The following NAV1 variants were observed in gnomAD, a reference collection of about 807,000 sequenced individuals.
NAV1 encodes neuron navigator 1, also known as pore membrane and/or filament interacting like protein 3.
Under a neutral mutation model 175.2 loss-of-function variants are expected in NAV1, and 18 were observed. The ratio of observed to expected loss-of-function variants is 0.10; its 90% CI spans 0.07 to 0.15. The LOEUF is 0.15. Among genes scored for constraint, NAV1 ranks in the 10% least tolerant of loss-of-function variants. The pLI is 1.00. For missense variants in NAV1, 1,731 were observed against 2,436.6 expected (o/e 0.71, Z 6.10); for synonymous variants, 897 against 978.7 (o/e 0.92, Z 1.56).
chr1:201,569,996 G>A (rs1666482290), intron 1 of NAV1, among the ~76,000 whole-genome samples: 1 of 152,202 alleles, frequency 6.6e-6, no homozygotes, highest in South Asian at 2.1e-4. Flanking sequence ...AGGATCAAAT[G>A]AGATGACGGA....
At chr1:201,780,735 C>T (rs921522096) in intron 4 of NAV1, among the ~76,000 whole-genome samples, 176 bp downstream of exon 8, 1 of 147,978 alleles carries the variant, frequency 6.8e-6, no homozygotes, top group Admixed American at 6.9e-5. Context: ...GCTAAGGCTA[C>T]TCACCCAAGA....
rs1454239597 is a variant in NAV1 at position 201,813,102 on chromosome 1, G to A, written c.5222-38G>A. ...GAGGCACACAACCGGGAAGATCTAG[G>A]TTCCCAGCCATCTTCATGGCCCCAT... On this transcript the variant is annotated intron_variant, in intron 27 of 29. Transcript: ENST00000367296. The surrounding 1 kb of genome is among the most constrained non-coding windows in gnomAD (Gnocchi z 4.2). 1.4e-6 allele frequency: 2 copies of A among 1,473,944 alleles called. No individual in the cohort carries two copies. Among genetic ancestry groups the A allele is most frequent in the South Asian group, 1.1e-5 (1 of 87,526 alleles). 91.3% of individuals were successfully genotyped at this position (1,473,944 alleles called of 1,614,324 possible).
intron 1 of NAV1, among the ~76,000 whole-genome samples, chr1:201,688,996 G>A (rs1670790553): frequency 6.6e-6 from 1 of 152,210 alleles, no homozygotes; most frequent in African/African-American, 2.4e-5. Context: ...GGGGAGACTT[G>A]AGTGCAAGCT....
intron 1 of NAV1, among the ~76,000 whole-genome samples, chr1:201,550,274 T>G (rs574660865): frequency 6.6e-6 from 1 of 152,020 alleles, no homozygotes; most frequent in South Asian, 2.1e-4. Context: ...AGGGCTCAAG[T>G]GATCCTCCTG....
chr1:201,680,834 G>A (rs1298840295), intron 1 of NAV1, among the ~76,000 whole-genome samples: 1 of 152,186 alleles, frequency 6.6e-6, no homozygotes, highest in African/African-American at 2.4e-5. Context: ...ATGGTGGGCA[G>A]GGCTCCACTG....
chr1:201,666,788 A>G (rs545569034), intron 1 of NAV1, among the ~76,000 whole-genome samples: 1 of 152,232 alleles, frequency 6.6e-6, no homozygotes, highest in East Asian at 1.9e-4. Context: ...CTGCAATTTC[A>G]AGGGCCTGCA....
intron 3 of NAV1, among the ~76,000 whole-genome samples, chr1:201,769,223 CT>C (rs1177070505): frequency 1.3e-5 from 2 of 152,138 alleles, no homozygotes; most frequent in Non-Finnish European, 2.9e-5. Context: ...GAAAAATGTT[CT>C]TTTTATTTTG....
intron 1 of NAV1, among the ~76,000 whole-genome samples, chr1:201,555,763 A>G (rs916359514): frequency 7.4e-5 from 11 of 148,786 alleles, no homozygotes; most frequent in African/African-American, 2.5e-4. Flanking sequence ...GGCAGGAAAA[A>G]GGTGTTTCCG....
chr1:201,544,370 C>T (rs1378418906), intron 1 of NAV1, among the ~76,000 whole-genome samples: 1 of 152,212 alleles, frequency 6.6e-6, no homozygotes, highest in Non-Finnish European at 1.5e-5. Flanking sequence ...CTTTACATCC[C>T]TTCCCTGATT....
At chr1:201,801,592 G>C (rs1677871098) in intron 15 of NAV1, among the ~76,000 whole-genome samples, 1 of 152,112 alleles carries the variant, frequency 6.6e-6, no homozygotes, top group South Asian at 2.1e-4. Context: ...GGGTGCTGGG[G>C]TTACAGTTGT....
At position 201,789,724 on chromosome 1, in the gene NAV1, TCTC is replaced by T. The variant is rs763752477; in HGVS notation, c.3167-13_3167-11del. On this transcript the variant is annotated splice_polypyrimidine_tract_variant and intron_variant, in intron 10 of 29. Transcript: ENST00000367296. ...GGAACCCACTGTTAACTCTTTGTGT[TCTC>T]CTTCTCTTTCAGTTCACGGCTCAGT... 8.7e-6 allele frequency: 14 copies of T among 1,613,866 alleles called. No individual in the cohort carries two copies. The East Asian group carries it at 2.9e-4, about 33-fold the overall frequency.
intron 1 of NAV1, among the ~76,000 whole-genome samples, chr1:201,676,670 T>A (rs989940943): frequency 6.6e-6 from 1 of 152,188 alleles, no homozygotes; most frequent in Admixed American, 6.5e-5. Flanking sequence ...GAACACAATC[T>A]TTCAGAAGCT....
Position 201,805,989 on chromosome 1 carries a change from C to CTT in NAV1, c.3648+1504_3648+1505dup, listed in dbSNP as rs201639996. ...AGTACTGCATTTTCTCTCTCTCTCT[C>CTT]TTTTTTTTTTTTTGAGGTAGAGTCT... On this transcript the variant is annotated intron_variant, in intron 17 of 29. Coordinates refer to ENST00000367296, the Ensembl canonical transcript of NAV1. Among the ~76,000 whole-genome samples, 1,385 of 143,918 alleles carry CTT rather than the reference C, an allele frequency of 9.6e-3. 17 individuals carry two copies. The highest frequency in any genetic ancestry group is 0.03 in the African/African-American group (1,149 of 38,932). 94.4% of individuals were successfully genotyped at this position (143,918 alleles called of 152,430 possible).
At chr1:201,605,824 T>C (rs1352183721) in intron 2 of NAV1, among the ~76,000 whole-genome samples, 1 of 152,044 alleles carries the variant, frequency 6.6e-6, no homozygotes, top group Non-Finnish European at 1.5e-5. Context: ...AAACAAGATT[T>C]GGGGCAACAC....
At chr1:201,804,444 T>A (rs1018433892) in intron 16 of NAV1, 45 bp from the exon 21 acceptor site, 4 of 1,537,944 alleles carry the variant, frequency 2.6e-6, no homozygotes, top group Non-Finnish European at 3.5e-6. Context: ...GATTCTTTTT[T>A]TTTTTCCTTC....
intron 1 of NAV1, among the ~76,000 whole-genome samples, chr1:201,658,143 T>C (rs942427084): frequency 1.3e-5 from 2 of 152,134 alleles, no homozygotes; most frequent in Non-Finnish European, 2.9e-5. Context: ...CCCTCAAACA[T>C]TGAGTCTGAT....
chr1:201,578,600 G>A (rs751154668), intron 1 of NAV1, among the ~76,000 whole-genome samples: 4 of 152,172 alleles, frequency 2.6e-5, no homozygotes, highest in Non-Finnish European at 5.9e-5. Flanking sequence ...ACCAGGAGGA[G>A]GGGATGGAAC....
Position 201,770,321 on chromosome 1 carries a change from CAG to C in NAV1, c.1227-10097_1227-10096del, listed in dbSNP as rs375322841. ...CATCCTACAGAGGAGATGGATGCAT[CAG>C]AGTGTTCCTTAGACTATGGTATCAG... On this transcript the variant is annotated intron_variant, in intron 3 of 29. Coordinates refer to ENST00000367296, the Ensembl canonical transcript of NAV1. Among the ~76,000 whole-genome samples the C allele has an allele frequency of 5.6e-3, 848 of 152,282 alleles. 7 individuals carry two copies. Among genetic ancestry groups the C allele is most frequent in the African/African-American group, 0.019 (808 of 41,562 alleles).
At chr1:201,734,639 G>C (rs142022300) in intron 3 of NAV1, among the ~76,000 whole-genome samples, 93 of 152,178 alleles carry the variant, frequency 6.1e-4, no homozygotes, top group African/African-American at 2.2e-3. Flanking sequence ...AGTGGCATGG[G>C]TGCTTAAGCT....
Sources: allele counts gnomAD v4.1 joint callset (sites outside exome capture counted in the v4.1 genomes callset), GRCh38; gene constraint gnomAD v4.1.1; non-coding constraint Gnocchi (gnomAD v3.1); transcripts MANE v1.5; gene names NCBI Gene and HGNC (gene_info 2026-07-23, HGNC 2026-07-21).